Variants in DGKI observed in about 807,000 individuals in gnomAD.
DGKI encodes the protein diacylglycerol kinase iota.
A neutral mutation model predicts 147.5 loss-of-function variants in DGKI; 55 were observed. The observed-to-expected ratio is 0.37, with a 90% confidence interval of 0.30 to 0.47. DGKI has a LOEUF of 0.47. Among genes scored for constraint, DGKI ranks in the 20% least tolerant of loss-of-function variants. The probability of loss-of-function intolerance (pLI) is 1.00; values close to 1 mark genes in which losing one functional copy is unlikely to be tolerated. For synonymous variants in DGKI, 469 were observed against 477.1 expected (o/e 0.98, Z 0.22); for missense variants, 1,007 against 1,323.8 (o/e 0.76, Z 3.71).
At chr7:137,815,164 C>T (rs1054540522) in intron 1 of DGKI, among the ~76,000 whole-genome samples, 25 of 152,136 alleles carry the variant, frequency 1.6e-4, no homozygotes, top group African/African-American at 5.8e-4. Context: ...TGAATTCCTT[C>T]CCCTGAATCT....
intron 1 of DGKI, among the ~76,000 whole-genome samples, chr7:137,770,748 T>C (rs1320557757): frequency 1.8e-5 from 1 of 54,304 alleles, no homozygotes; most frequent in Non-Finnish European, 3.1e-5. Context: ...TTAGCCGGGA[T>C]GGTCTCGATC....
rs763769243 is a variant in DGKI, at chr7:137,678,557, T to G, written c.606A>C (p.Ala202=). The G allele has an allele frequency of 1.9e-6, 3 of 1,614,078 alleles. No homozygotes were observed. The highest frequency in any genetic ancestry group is 1.1e-5 in the South Asian group (1 of 91,084). Residue 202 remains alanine (A), a splice_region_variant and synonymous_variant, in exon 3 of 33, where the codon GCA becomes GCC. Coordinates refer to ENST00000614521, the MANE Select transcript of DGKI (RefSeq NM_001321708.2). ...LGEENCQVRF[A]KSALRRKCAV... ...CCAGCAAGACGGAGCGCACACTCAC[T>G]GCAAATCTGACTTGGCAGTTCTCCT... is the stretch of plus-strand genomic sequence containing the variant.
chr7:137,554,103 C>T (rs370758533), intron 19 of DGKI, among the ~76,000 whole-genome samples: 1 of 152,154 alleles, frequency 6.6e-6, no homozygotes, highest in African/African-American at 2.4e-5. Context: ...CCGCCCCTAC[C>T]GGCATTTCAC....
chr7:137,610,186 A>T (rs1423838227), intron 8 of DGKI, among the ~76,000 whole-genome samples: 1 of 152,160 alleles, frequency 6.6e-6, no homozygotes, highest in African/African-American at 2.4e-5. Context: ...AAATGCAAAG[A>T]TAATACTCAC....
chr7:137,662,609 C>T (rs1822483194), intron 3 of DGKI, among the ~76,000 whole-genome samples: 1 of 152,136 alleles, frequency 6.6e-6, no homozygotes, highest in Non-Finnish European at 1.5e-5. Context: ...CTCATGATTC[C>T]AGACCAAGGA....
chr7:137,590,480 G>T (rs962186524), intron 12 of DGKI, among the ~76,000 whole-genome samples: 11 of 152,074 alleles, frequency 7.2e-5, no homozygotes. Context: ...GAAACCAAAG[G>T]GATTCAGAGA....
At chr7:137,719,946 G>A (rs1585406445) in intron 1 of DGKI, among the ~76,000 whole-genome samples, 1 of 152,160 alleles carries the variant, frequency 6.6e-6, no homozygotes, top group African/African-American at 2.4e-5. Context: ...GGCTGGTGAA[G>A]CCTGACCCCT....
chr7:137,735,227 A>G (rs1042189238), intron 1 of DGKI, among the ~76,000 whole-genome samples: 30 of 152,026 alleles, frequency 2.0e-4, no homozygotes, highest in Non-Finnish European at 4.0e-4. Flanking sequence ...GCTTCTACCT[A>G]TATGTTCAAA....
intron 6 of DGKI, among the ~76,000 whole-genome samples, chr7:137,640,266 T>G (rs1821577627): frequency 6.6e-6 from 1 of 152,116 alleles, no homozygotes; most frequent in Admixed American, 6.5e-5. Flanking sequence ...GCCACTAGTA[T>G]GAGAAATCTA....
Position 137,453,865 on chromosome 7 carries a change from C to T in DGKI, c.2735+9624G>A, listed in dbSNP as rs567361194. Among the ~76,000 whole-genome samples the T allele has an allele frequency of 1.1e-4, 16 of 151,922 alleles. No homozygotes were observed. The South Asian group carries it at 3.3e-3, about 32-fold the overall frequency. ...TATCATAATTTCCCAGTCTTTAAGACTCACCTACCCAAATATATGCCTTGA... is the reference window on the plus strand; with the variant it reads ...TATCATAATTTCCCAGTCTTTAAGATTCACCTACCCAAATATATGCCTTGA... On this transcript the variant is annotated intron_variant, in intron 27 of 32. Transcript: ENST00000614521.
At chr7:137,564,216 C>CA (rs1818509187) in intron 19 of DGKI, among the ~76,000 whole-genome samples, 2 of 152,040 alleles carry the variant, frequency 1.3e-5, no homozygotes, top group South Asian at 4.1e-4. Context: ...ACACAATACA[C>CA]AAAAATTAAT....
chr7:137,790,231 A>AACACAC (rs137932599), intron 1 of DGKI, among the ~76,000 whole-genome samples: 118 of 143,802 alleles, frequency 8.2e-4, no homozygotes, highest in East Asian at 1.6e-3. Context: ...GTGTATTACC[A>AACACAC]ACACACACAC....
chr7:137,479,176 T>A lies in DGKI; in HGVS notation c.2373+6198A>T, dbSNP rs114486805. Among the ~76,000 whole-genome samples the A allele has an allele frequency of 2.1e-3, 323 of 152,334 alleles. 2 individuals carry two copies. The highest frequency in any genetic ancestry group is 7.4e-3 in the African/African-American group (308 of 41,584). ...ATATAAATGGTGTGATTTAGATGAA[T>A]GCAACTGTCATTGCTCTGTAATGTA... On this transcript the variant is annotated intron_variant, in intron 23 of 32. Coordinates refer to ENST00000614521, the MANE Select transcript of DGKI (RefSeq NM_001321708.2).
intron 1 of DGKI, among the ~76,000 whole-genome samples, chr7:137,786,814 A>G (rs1444567784): frequency 2.0e-5 from 3 of 152,192 alleles, no homozygotes; most frequent in Admixed American, 2.0e-4. Flanking sequence ...ACCCAGAAAT[A>G]AAGCCAAATA....
intron 1 of DGKI, among the ~76,000 whole-genome samples, chr7:137,776,625 G>T (rs543286546): frequency 2.6e-5 from 4 of 152,284 alleles, no homozygotes; most frequent in African/African-American, 7.2e-5. Context: ...ACTTAAAGAA[G>T]AAACGTTCAT....
chr7:137,463,564 T>C lies in DGKI; in HGVS notation c.2660A>G (p.Asp887Gly), dbSNP rs748484393. ...GGGAGCTATCATCCCCAGCCCACTG[T>C]CACTCAGCATGCGTTTCCGCAGGGC... is the stretch of plus-strand genomic sequence containing the variant. The part of the protein sequence containing the change: ...NPALRKRMLS[D>G]SGLGMIAPYY... The change falls in exon 27 of 33, where the codon GAC becomes GGC. Residue 887 changes from aspartate (D) to glycine (G), a missense_variant. Asp to Gly is a moderately conservative substitution (Grantham distance 94). This residue lies in a region of DGKI where 385 missense variants were observed against 445.2 expected (regional missense o/e 0.86). Transcript: ENST00000614521. The C allele has an allele frequency of 8.7e-6, 14 of 1,614,054 alleles. No individual in the cohort carries two copies. The Admixed American group carries it at 2.2e-4, about 25-fold the overall frequency.
At chr7:137,466,764 C>T in intron 25 of DGKI, 138 bp downstream of exon 25, 1 of 824,590 alleles carries the variant, frequency 1.2e-6, no homozygotes, top group Non-Finnish European at 2.0e-6. Flanking sequence ...ATAAAAGGTT[C>T]AAGCTTAAGT....
chr7:137,686,972 T>C (rs1305193014), intron 2 of DGKI, among the ~76,000 whole-genome samples: 1 of 152,192 alleles, frequency 6.6e-6, no homozygotes, highest in Non-Finnish European at 1.5e-5. Context: ...ATGAACGTTT[T>C]TTTTAATCTT....
At chr7:137,426,902 A>C (rs1297817016) in intron 28 of DGKI, among the ~76,000 whole-genome samples, 1 of 151,980 alleles carries the variant, frequency 6.6e-6, no homozygotes, top group Admixed American at 6.6e-5. Context: ...TCATAAAGCA[A>C]GTCCTGAGTG....
Sources: allele counts gnomAD v4.1 joint callset (sites outside exome capture counted in the v4.1 genomes callset), GRCh38; gene constraint gnomAD v4.1.1; regional missense constraint gnomAD v4.1.1; transcripts MANE v1.5; gene names NCBI Gene and HGNC (gene_info 2026-07-23, HGNC 2026-07-21).